The following PCDH15 variants were observed in gnomAD, a reference collection of about 807,000 sequenced individuals.
PCDH15 encodes the protein protocadherin related 15, also known as protocadherin-15.
Under a neutral mutation model 178.5 loss-of-function variants are expected in PCDH15, and 129 were observed. That is an observed-to-expected ratio of 0.72 (90% CI 0.63 to 0.84). The LOEUF is 0.84. Among genes scored for constraint, PCDH15 ranks in the 40% least tolerant of loss-of-function variants. The pLI is 0.00. For missense variants in PCDH15, 2,230 were observed against 2,099.9 expected (o/e 1.06, Z -1.21); for synonymous variants, 800 against 732.0 (o/e 1.09, Z -1.50).
chr10:54,420,226 A>C (rs1955048833), intron 3 of PCDH15, among the ~76,000 whole-genome samples: 1 of 152,078 alleles, frequency 6.6e-6, no homozygotes, highest in African/African-American at 2.4e-5. Flanking sequence ...TATTTCAAAG[A>C]ATGAAAAACC....
intron 28 of PCDH15, among the ~76,000 whole-genome samples, chr10:53,853,002 AG>A (rs1376686805): frequency 3.3e-5 from 5 of 152,130 alleles, no homozygotes; most frequent in African/African-American, 1.2e-4. Flanking sequence ...GGATAGGGGG[AG>A]CACTGGGGCT....
chr10:55,082,560 C>G (rs930339560), intron 2 of PCDH15, among the ~76,000 whole-genome samples: 3 of 132,848 alleles, frequency 2.3e-5, no homozygotes, highest in Non-Finnish European at 4.9e-5. Context: ...AAGATCAGAG[C>G]AGAAATAGGT....
chr10:55,539,744 G>C (rs1468791915), intron 2 of PCDH15, among the ~76,000 whole-genome samples: 2 of 151,860 alleles, frequency 1.3e-5, no homozygotes, highest in Non-Finnish European at 2.9e-5. Context: ...TTTTATTATT[G>C]TATTAAAAAT....
rs796507979 is a variant in PCDH15 at position 53,914,762 on chromosome 10, TA to T, written c.3374-11393del. ...CATGTACCCTAGAACTTAAAGTATA[TA>T]AAAAAAAATAAAAACAACTGCATGT... On this transcript the variant is annotated intron_variant, in intron 25 of 37. Coordinates refer to ENST00000644397, the MANE Select transcript of PCDH15 (RefSeq NM_001384140.1). Among the ~76,000 whole-genome samples the T allele has an allele frequency of 1.4e-3, 209 of 150,464 alleles. 1 individual carries two copies. The highest frequency in any genetic ancestry group is 4.6e-3 in the African/African-American group (189 of 41,092).
intron 1 of PCDH15, among the ~76,000 whole-genome samples, chr10:55,185,341 G>T (rs1210911719): frequency 6.6e-6 from 1 of 151,666 alleles, no homozygotes; most frequent in African/African-American, 2.4e-5. Context: ...AAATGATGTT[G>T]CATGTCTTAA....
intron 26 of PCDH15, among the ~76,000 whole-genome samples, chr10:53,878,525 T>A (rs2080452143): frequency 6.8e-6 from 1 of 146,448 alleles, no homozygotes; most frequent in Non-Finnish European, 1.5e-5. Flanking sequence ...TGTGTGTGTA[T>A]ATATATATAT....
At chr10:54,293,869 G>C (rs940316559) in intron 8 of PCDH15, among the ~76,000 whole-genome samples, 3 of 152,162 alleles carry the variant, frequency 2.0e-5, no homozygotes, top group Non-Finnish European at 4.4e-5. Context: ...CACTGTTGGT[G>C]GGAGTTTAAA....
At chr10:55,293,496 C>T (rs911068154) in intron 1 of PCDH15, among the ~76,000 whole-genome samples, 1 of 152,308 alleles carries the variant, frequency 6.6e-6, no homozygotes, top group Admixed American at 6.5e-5. Context: ...CATTGTTAGG[C>T]TGCAAATTTT....
intron 2 of PCDH15, among the ~76,000 whole-genome samples, chr10:55,326,525 C>T (rs1844035825): frequency 6.6e-6 from 1 of 151,518 alleles, no homozygotes; most frequent in Non-Finnish European, 1.5e-5. Context: ...CAAACATGCA[C>T]ATGTATACAT....
chr10:54,585,515 A>T (rs1444683281), intron 2 of PCDH15: 1 of 235,266 alleles, frequency 4.3e-6, no homozygotes, highest in South Asian at 4.9e-5. Context: ...GACTAAGAAC[A>T]ATTTTTAATT....
chr10:55,415,595 G>A (rs765407718), intron 2 of PCDH15, among the ~76,000 whole-genome samples: 1 of 151,604 alleles, frequency 6.6e-6, no homozygotes, highest in African/African-American at 2.4e-5. Flanking sequence ...ACTAGCTATA[G>A]TAAATCACTA....
chr10:54,386,941 AC>A (rs1950003851), intron 3 of PCDH15, among the ~76,000 whole-genome samples: 1 of 152,144 alleles, frequency 6.6e-6, no homozygotes, highest in African/African-American at 2.4e-5. Flanking sequence ...CATCCCAGTA[AC>A]TATAGTTAAT....
Position 53,806,779 on chromosome 10 carries a change from G to T in PCDH15, c.5023C>A (p.Pro1675Thr). 1 of 1,613,706 alleles carries T rather than the reference G, an allele frequency of 6.2e-7. No individual in the cohort carries two copies. Among genetic ancestry groups the T allele is most frequent in the Non-Finnish European group, 8.5e-7 (1 of 1,179,810 alleles). Reference sequence around the variant, plus strand: ...GTATTGTCAGTCCCCACAGGGCAAGGGGCAAATGTAACCAGAGTTGGTCTT... The same window carrying T: ...GTATTGTCAGTCCCCACAGGGCAAGTGGCAAATGTAACCAGAGTTGGTCTT... The part of the protein sequence containing the change: ...NARPTLVTFA[P>T]CPVGTDNTAV... Residue 1675 changes from proline (P) to threonine (T), a missense_variant, in exon 38 of 38, where the codon CCT becomes ACT. Coordinates refer to ENST00000644397, the MANE Select transcript of PCDH15 (RefSeq NM_001384140.1).
In PCDH15 at chr10:53,992,186, C is replaced by G. The variant is rs186997103; in HGVS notation, c.2868+3463G>C. On this transcript the variant is annotated intron_variant, in intron 21 of 37. Coordinates refer to ENST00000644397, the MANE Select transcript of PCDH15 (RefSeq NM_001384140.1). ...ACGTGCTGCCTTAAGAGCTGTAACA[C>G]TCACTGCAAAGGTCTGCAGTTTCAC... Among the ~76,000 whole-genome samples the G allele has an allele frequency of 1.4e-3, 214 of 152,264 alleles. 3 individuals carry two copies. The South Asian group carries it at 0.019, about 14-fold the overall frequency.
intron 28 of PCDH15, among the ~76,000 whole-genome samples, chr10:53,844,958 A>G (rs910576273): frequency 1.5e-4 from 23 of 152,012 alleles, no homozygotes; most frequent in African/African-American, 5.1e-4. Flanking sequence ...GAATAAGAGA[A>G]AATATTTGCA....
At chr10:55,555,223 A>G (rs1842068243) in intron 2 of PCDH15, among the ~76,000 whole-genome samples, 1 of 152,098 alleles carries the variant, frequency 6.6e-6, no homozygotes, top group African/African-American at 2.4e-5. Context: ...AATCCTCACA[A>G]TGATTAAAAA....
At chr10:54,296,165 A>T (rs2059768231) in intron 8 of PCDH15, among the ~76,000 whole-genome samples, 1 of 148,674 alleles carries the variant, frequency 6.7e-6, no homozygotes, top group Non-Finnish European at 1.5e-5. Context: ...AAAAAAAAAA[A>T]AAAAGTGGTT....
intron 14 of PCDH15, among the ~76,000 whole-genome samples, chr10:54,138,471 A>G (rs1361406332): frequency 6.6e-6 from 1 of 152,186 alleles, no homozygotes; most frequent in Non-Finnish European, 1.5e-5. Context: ...TGATATAGTC[A>G]TAGCAAAGTA....
chr10:55,622,845 A>C (rs149775262), intron 2 of PCDH15, among the ~76,000 whole-genome samples: 121 of 152,294 alleles, frequency 7.9e-4, no homozygotes, highest in African/African-American at 2.7e-3. Context: ...TACGGGCTGG[A>C]CCGAGGCATT....
Sources: gnomAD v4.1 joint callset for allele counts (sites outside exome capture counted in the v4.1 genomes callset) on GRCh38, gnomAD v4.1.1 for gene constraint, MANE v1.5 for transcripts, NCBI Gene and HGNC (gene_info 2026-07-23, HGNC 2026-07-21) for gene names.